The following N4BP2L2 variants were observed in gnomAD, a reference collection of about 807,000 sequenced individuals.
N4BP2L2 encodes NEDD4 binding protein 2 like 2.
A neutral mutation model predicts 56.2 loss-of-function variants in N4BP2L2; 50 were observed. That is an observed-to-expected ratio of 0.89 (90% confidence interval 0.71 to 1.13). N4BP2L2 has a LOEUF of 1.13. N4BP2L2 is among the 50% of genes most tolerant of loss of function. The probability of loss-of-function intolerance (pLI) is 0.00; values close to 1 mark genes in which losing one functional copy is unlikely to be tolerated. For synonymous variants in N4BP2L2, 203 were observed against 223.6 expected (o/e 0.91, Z 0.82); for missense variants, 689 against 693.8 (o/e 0.99, Z 0.08).
intron 2 of N4BP2L2, among the ~76,000 whole-genome samples, chr13:32,531,691 GAA>G (rs962120454): frequency 6.6e-6 from 1 of 151,648 alleles, no homozygotes; most frequent in African/African-American, 2.4e-5. Context: ...AAAGAAGGGA[GAA>G]AAAAAAGTCT....
chr13:32,436,091 T>G (rs1340420228), intron 9 of N4BP2L2, among the ~76,000 whole-genome samples: 1 of 152,208 alleles, frequency 6.6e-6, no homozygotes, highest in Non-Finnish European at 1.5e-5. Flanking sequence ...GTTGATAGAA[T>G]GTTATAAAAT....
chr13:32,461,373 G>A (rs1307215036), intron 6 of N4BP2L2, among the ~76,000 whole-genome samples: 1 of 152,060 alleles, frequency 6.6e-6, no homozygotes, highest in Non-Finnish European at 1.5e-5. Context: ...CTTATGACAA[G>A]GGACTAATAT....
intron 6 of N4BP2L2, among the ~76,000 whole-genome samples, chr13:32,451,613 C>T (rs2138485263): frequency 1.3e-5 from 2 of 152,186 alleles, no homozygotes; most frequent in South Asian, 4.1e-4. Context: ...GTAATCACCA[C>T]TTACTGCAAC....
chr13:32,470,769 A>G (rs2082146730), intron 6 of N4BP2L2, among the ~76,000 whole-genome samples: 1 of 152,234 alleles, frequency 6.6e-6, no homozygotes. Flanking sequence ...ACAGCGGAGT[A>G]TGCTGAGTAC....
At chr13:32,528,895 G>T (rs2053851782) in intron 2 of N4BP2L2, among the ~76,000 whole-genome samples, 1 of 152,104 alleles carries the variant, frequency 6.6e-6, no homozygotes, top group Non-Finnish European at 1.5e-5. Context: ...AATATCCATG[G>T]GAGATTGGTT....
chr13:32,476,704 T>C (rs1360059977), intron 6 of N4BP2L2, among the ~76,000 whole-genome samples: 3 of 152,040 alleles, frequency 2.0e-5, no homozygotes, highest in African/African-American at 7.2e-5. Flanking sequence ...CATATAACCA[T>C]GAACAAGGAA....
At chr13:32,442,900 T>C in exon 7 of N4BP2L2, 1 of 1,612,864 alleles carries the variant, frequency 6.2e-7, no homozygotes, top group Non-Finnish European at 8.5e-7. Context: ...CATAAGTTTT[T>C]GTTTATTCTC....
At chr13:32,537,238 C>T (rs983589721) in intron 1 of N4BP2L2, among the ~76,000 whole-genome samples, 1 of 151,468 alleles carries the variant, frequency 6.6e-6, no homozygotes, top group Non-Finnish European at 1.5e-5. Context: ...CGTTGAATAT[C>T]CTTTTTGAAA....
intron 6 of N4BP2L2, among the ~76,000 whole-genome samples, chr13:32,502,476 G>A (rs1011651187): frequency 1.3e-5 from 2 of 152,078 alleles, no homozygotes; most frequent in African/African-American, 4.8e-5. Context: ...AAAAATCACA[G>A]AATTCCACGG....
At position 32,524,231 on chromosome 13, in the gene N4BP2L2, G is replaced by A. The variant is rs535335232; in HGVS notation, c.1385-1961C>T. On this transcript the variant is annotated intron_variant, in intron 3 of 5. Transcript: ENST00000267068. ...CACCAAGACACTATCATCTCCCACT[G>A]CTCCGTCTCTAATCATAGTGATCAA... 3 of 152,302 alleles carry A rather than the reference G, an allele frequency of 2.0e-5. No homozygotes were observed. In the South Asian group the frequency reaches 6.2e-4, roughly 32 times the overall value. The allele number at this position is 152,302 out of a possible 1,614,324, so 9.4% of individuals were successfully genotyped here. A position where few individuals can be genotyped will look rare whatever the true frequency, so the allele number is the denominator to read the frequency against.
chr13:32,456,943 C>A (rs533178371), intron 6 of N4BP2L2, among the ~76,000 whole-genome samples: 52 of 152,140 alleles, frequency 3.4e-4, no homozygotes, highest in Middle Eastern at 6.8e-3. Context: ...CAAGACCAGC[C>A]TGGCCAAAGC....
At chr13:32,480,682 A>G in intron 6 of N4BP2L2, 1 of 1,180,604 alleles carries the variant, frequency 8.5e-7, no homozygotes, top group Non-Finnish European at 1.1e-6. Context: ...CAACTTTTAA[A>G]GTGCTTTCAT....
chr13:32,538,747 C>T, exon 1 of N4BP2L2: 1 of 985,418 alleles, frequency 1.0e-6, no homozygotes, highest in Non-Finnish European at 1.2e-6. Context: ...ACTAAAAGCC[C>T]ACCTCTCAGA....
intron 6 of N4BP2L2, among the ~76,000 whole-genome samples, chr13:32,484,001 A>AG (rs1184829487): frequency 3.4e-4 from 52 of 151,592 alleles, no homozygotes; most frequent in African/African-American, 1.2e-3. Flanking sequence ...AAAAAAAAAA[A>AG]AAAAGAAAAG....
chr13:32,504,357 C>G (rs2090562197), intron 6 of N4BP2L2: 3 of 152,320 alleles, frequency 2.0e-5, no homozygotes, highest in South Asian at 4.1e-4. Context: ...CAGGGTTTAT[C>G]TCTTCTCAGG....
At chr13:32,532,751 C>G (rs1331837361) in intron 2 of N4BP2L2, among the ~76,000 whole-genome samples, 2 of 151,720 alleles carry the variant, frequency 1.3e-5, no homozygotes, top group Non-Finnish European at 2.9e-5. Flanking sequence ...CCACCACGCC[C>G]AGCTCATTTT....
At chr13:32,534,617 A>C (rs565414320) in intron 2 of N4BP2L2, among the ~76,000 whole-genome samples, 85 of 152,356 alleles carry the variant, frequency 5.6e-4, no homozygotes, top group Non-Finnish European at 7.2e-4. Context: ...TCTGGAATGA[A>C]TTAATTCATT....
chr13:32,434,723 A>T (rs1228872587), intron 9 of N4BP2L2, among the ~76,000 whole-genome samples: 1 of 152,194 alleles, frequency 6.6e-6, no homozygotes, highest in East Asian at 1.9e-4. Flanking sequence ...CTTGAGACAG[A>T]CTGGTCAGTA....
At chr13:32,485,744 T>C (rs1358793441) in intron 6 of N4BP2L2, among the ~76,000 whole-genome samples, 9 of 152,176 alleles carry the variant, frequency 5.9e-5, no homozygotes, top group African/African-American at 2.2e-4. Flanking sequence ...CATTCTGTCA[T>C]GACAGAAATC....
Sources: allele counts gnomAD v4.1 joint callset (sites outside exome capture counted in the v4.1 genomes callset), GRCh38; gene constraint gnomAD v4.1.1; transcripts MANE v1.5; gene names NCBI Gene and HGNC (gene_info 2026-07-23, HGNC 2026-07-21).